CRPPA: variants seen among roughly 807,000 people sequenced by gnomAD.
CRPPA encodes CDP-L-ribitol pyrophosphorylase A.
Under a neutral mutation model 52.0 loss-of-function variants are expected in CRPPA, and 43 were observed. That is an observed-to-expected ratio of 0.83 (90% CI 0.65 to 1.07). The LOEUF is 1.07. Among genes scored for constraint, CRPPA ranks in the 50% least tolerant of loss-of-function variants. The pLI, the probability that CRPPA is intolerant of heterozygous loss-of-function variation, is 0.00. For missense variants in CRPPA, 629 were observed against 551.7 expected, an observed-to-expected ratio of 1.14 and a Z score of -1.40; for synonymous variants, 250 against 203.5, an observed-to-expected ratio of 1.23 and a Z score of -1.94.
chr7:16,374,424 C>G (rs751825747), intron 3 of CRPPA, among the ~76,000 whole-genome samples: 10 of 152,212 alleles, frequency 6.6e-5, no homozygotes, highest in South Asian at 2.1e-4. Context: ...AGCTTGCAGA[C>G]GGCCTATTGT....
intron 5 of CRPPA, among the ~76,000 whole-genome samples, chr7:16,286,199 C>G (rs543552069): frequency 5.4e-5 from 8 of 147,272 alleles, no homozygotes; most frequent in African/African-American, 2.0e-4. Context: ...CCACAGGGTG[C>G]CCAGATATTT....
intron 6 of CRPPA, among the ~76,000 whole-genome samples, chr7:16,272,275 TA>T (rs1784107961): frequency 6.6e-6 from 1 of 152,232 alleles, no homozygotes; most frequent in African/African-American, 2.4e-5. Flanking sequence ...CTTAACTTTT[TA>T]ACAACCTCTT....
chr7:16,238,274 T>A (rs1783003062), intron 8 of CRPPA, among the ~76,000 whole-genome samples: 2 of 152,152 alleles, frequency 1.3e-5, no homozygotes, highest in African/African-American at 2.4e-5. Context: ...GGCCAAAATA[T>A]CTATCGCACA....
intron 2 of CRPPA, among the ~76,000 whole-genome samples, chr7:16,404,031 CT>C (rs1291054906): frequency 6.6e-6 from 1 of 152,132 alleles, no homozygotes; most frequent in Admixed American, 6.6e-5. Flanking sequence ...TAAATAAGTG[CT>C]TTTCTGGATT....
chr7:16,267,902 A>G (rs1374985121), intron 6 of CRPPA, among the ~76,000 whole-genome samples: 1 of 152,140 alleles, frequency 6.6e-6, no homozygotes, highest in East Asian at 1.9e-4. Flanking sequence ...TGTATTAGGG[A>G]CTGTATGTAA....
chr7:16,291,697 A>C (rs1307045567), intron 5 of CRPPA, among the ~76,000 whole-genome samples: 1 of 151,916 alleles, frequency 6.6e-6, no homozygotes, highest in Non-Finnish European at 1.5e-5. Flanking sequence ...CGTAGTTAAC[A>C]ATATATTGCA....
chr7:16,282,277 C>A (rs1234288945), intron 5 of CRPPA, among the ~76,000 whole-genome samples: 3 of 152,086 alleles, frequency 2.0e-5, no homozygotes, highest in African/African-American at 7.2e-5. Flanking sequence ...CATTCCTTTT[C>A]ACTCGCTTTC....
Position 16,088,443 on chromosome 7 carries a change from A to C in CRPPA, c.*3252T>G, listed in dbSNP as rs1193077516. 2 of 107,548 alleles carry C rather than the reference A, an allele frequency of 1.9e-5. No homozygotes were observed. The highest frequency in any genetic ancestry group is 7.7e-5 in the African/African-American group (2 of 25,892). 6.7% of individuals were successfully genotyped at this position (107,548 alleles called of 1,614,324 possible). ...TTTTTTTTTTTTTTTTTTGAGACGG[A>C]GTCTTGCTCTGTTGCCCAGGCTGGA... On this transcript the variant is annotated 3_prime_UTR_variant, in exon 10 of 10. Coordinates refer to ENST00000407010, the MANE Select transcript of CRPPA (RefSeq NM_001101426.4).
Position 16,196,270 on chromosome 7 carries a change from G to A in CRPPA, c.1251+19796C>T, listed in dbSNP as rs142495070. ...TGAAGTTAGTTGAGTTTCTGGGCCC[G>A]GGTTCCTCACTAGCATATGACAGAG... On this transcript the variant is annotated intron_variant, in intron 9 of 9. Transcript: ENST00000407010. 1.5e-3 allele frequency among the ~76,000 whole-genome samples: 225 copies of A among 152,098 alleles called. 1 individual carries two copies. The highest frequency in any genetic ancestry group is 2.8e-3 in the Admixed American group (43 of 15,266).
chr7:16,392,102 T>C (rs145439321), intron 2 of CRPPA, among the ~76,000 whole-genome samples: 1,879 of 152,290 alleles, frequency 0.012, 23 homozygotes, highest in Non-Finnish European at 0.019. Flanking sequence ...GCTTAATTAA[T>C]ATTCTTTTCT....
intron 8 of CRPPA, chr7:16,216,577 G>T (rs943890266): frequency 1.9e-5 from 4 of 210,804 alleles, no homozygotes; most frequent in Admixed American, 5.5e-5. Flanking sequence ...CAGGTCAGTG[G>T]GTGCGCGCAC....
intron 3 of CRPPA, among the ~76,000 whole-genome samples, chr7:16,354,493 AAC>A (rs59065100): frequency 0.3 from 44,907 of 151,924 alleles, 6,825 homozygotes; most frequent in Admixed American, 0.34. Context: ...TGTGGTAGGG[AAC>A]ACACAGACTG....
In CRPPA at chr7:16,310,638, A is replaced by G. The variant is rs557182380; in HGVS notation, c.685-2011T>C. On this transcript the variant is annotated intron_variant, in intron 3 of 9. Coordinates refer to ENST00000407010, the MANE Select transcript of CRPPA (RefSeq NM_001101426.4). ...CTCATCGACAAAGTCAAATACCCAA[A>G]TAAAAATATTGAAATTTCAGGAAAA... Among the ~76,000 whole-genome samples the G allele has an allele frequency of 2.0e-5, 3 of 152,266 alleles. No homozygotes were observed. In the East Asian group the frequency reaches 5.8e-4, roughly 29 times the overall value.
At chr7:16,324,939 A>T (rs1562631736) in intron 3 of CRPPA, among the ~76,000 whole-genome samples, 1 of 152,206 alleles carries the variant, frequency 6.6e-6, no homozygotes, top group African/African-American at 2.4e-5. Flanking sequence ...AAATGTCTAG[A>T]TGACAATTCC....
At chr7:16,247,203 C>G (rs1396858063) in intron 8 of CRPPA, among the ~76,000 whole-genome samples, 1 of 152,210 alleles carries the variant, frequency 6.6e-6, no homozygotes, top group Non-Finnish European at 1.5e-5. Flanking sequence ...GCTTCAAACT[C>G]TTCTTCTGTA....
intron 8 of CRPPA, among the ~76,000 whole-genome samples, chr7:16,228,855 G>T (rs566689171): frequency 6.6e-6 from 1 of 151,872 alleles, no homozygotes; most frequent in East Asian, 1.9e-4. Context: ...TTCCCTTATT[G>T]GTTTTCTGGT....
At position 16,178,894 on chromosome 7, in the gene CRPPA, C is replaced by T. The variant is rs974473727; in HGVS notation, c.1251+37172G>A. 4.6e-5 allele frequency among the ~76,000 whole-genome samples: 7 copies of T among 152,090 alleles called. No homozygotes were observed. The East Asian group carries it at 7.7e-4, about 17-fold the overall frequency. On this transcript the variant is annotated intron_variant, in intron 9 of 9. Transcript: ENST00000407010. ...GTGAAAAACACTGAGTGCACTTCAT[C>T]GCTTCAGTATCAAACCCCCATAAAT...
intron 9 of CRPPA, among the ~76,000 whole-genome samples, chr7:16,118,702 G>A (rs1241841851): frequency 6.6e-6 from 1 of 152,144 alleles, no homozygotes; most frequent in East Asian, 1.9e-4. Flanking sequence ...CAGTGTCTGA[G>A]GATGACTGGA....
At chr7:16,275,560 T>C (rs879672039) in intron 6 of CRPPA, among the ~76,000 whole-genome samples, 8 of 152,040 alleles carry the variant, frequency 5.3e-5, no homozygotes, top group Admixed American at 1.3e-4. Context: ...CTAGGTGCAA[T>C]GGTCATGCCT....
Sources: gnomAD v4.1 joint callset for allele counts (sites outside exome capture counted in the v4.1 genomes callset) on GRCh38, gnomAD v4.1.1 for gene constraint, MANE v1.5 for transcripts, NCBI Gene and HGNC (gene_info 2026-07-23, HGNC 2026-07-21) for gene names.